The following DOK6 variants were observed in gnomAD, a reference collection of about 807,000 sequenced individuals.
DOK6 encodes the protein downstream of tyrosine kinase 6.
DOK6 carries 22 observed loss-of-function variants against 44.0 expected under a neutral mutation model. The ratio of observed to expected loss-of-function variants is 0.50; its 90% CI spans 0.36 to 0.71. DOK6 has a LOEUF of 0.71. DOK6 is among the 30% of genes least tolerant of loss of function. The pLI is 0.00. For synonymous variants in DOK6, 166 were observed against 145.5 expected (o/e 1.14, Z -1.01); for missense variants, 340 against 416.4 (o/e 0.82, Z 1.60).
At chr18:69,600,066 G>C (rs1055307115) in intron 3 of DOK6, among the ~76,000 whole-genome samples, 2 of 152,152 alleles carry the variant, frequency 1.3e-5, no homozygotes, top group African/African-American at 4.8e-5. Flanking sequence ...GAATCCCTGT[G>C]GTGTGTAATA....
intron 3 of DOK6, among the ~76,000 whole-genome samples, chr18:69,668,932 A>G (rs1384933763): frequency 6.6e-6 from 1 of 152,130 alleles, no homozygotes; most frequent in East Asian, 1.9e-4. Flanking sequence ...TTTTTCTGTC[A>G]TTTTAATAAG....
intron 3 of DOK6, among the ~76,000 whole-genome samples, chr18:69,609,207 T>C (rs10439009): frequency 0.41 from 62,231 of 151,922 alleles, 13,891 homozygotes; most frequent in Non-Finnish European, 0.5. Context: ...ATCAACAGGA[T>C]GAAAAGGCAA....
At chr18:69,752,160 TC>T (rs1479308860) in intron 6 of DOK6, among the ~76,000 whole-genome samples, 1 of 151,276 alleles carries the variant, frequency 6.6e-6, no homozygotes, top group East Asian at 1.9e-4. Flanking sequence ...CACAAGTCTC[TC>T]TAAAAGATAA....
At chr18:69,643,060 A>AT (rs1377957244) in intron 3 of DOK6, among the ~76,000 whole-genome samples, 1 of 152,160 alleles carries the variant, frequency 6.6e-6, no homozygotes, top group African/African-American at 2.4e-5. Flanking sequence ...TCTTTGTATC[A>AT]TTATGGCCCT....
chr18:69,663,291 C>A (rs1407529692), intron 3 of DOK6: 1 of 152,000 alleles, frequency 6.6e-6, no homozygotes, highest in South Asian at 2.1e-4. Context: ...GATTAGAAAT[C>A]AGAGGATGAA....
At chr18:69,714,116 C>T (rs1986830317) in intron 5 of DOK6, among the ~76,000 whole-genome samples, 1 of 152,108 alleles carries the variant, frequency 6.6e-6, no homozygotes, top group South Asian at 2.1e-4. Context: ...CTGATCTTTA[C>T]CAAAAAGAGA....
chr18:69,423,557 T>C (rs1161027848), intron 1 of DOK6, among the ~76,000 whole-genome samples: 1 of 152,206 alleles, frequency 6.6e-6, no homozygotes, highest in Non-Finnish European at 1.5e-5. Flanking sequence ...CATATAATTA[T>C]CCTTGATTGC....
At chr18:69,698,363 C>T (rs1986436895) in intron 4 of DOK6, 41 bp from the exon 5 acceptor site, 1 of 1,553,688 alleles carries the variant, frequency 6.4e-7, no homozygotes, top group Middle Eastern at 1.7e-4. Context: ...ACACTCACAC[C>T]TCTTTTCACT....
chr18:69,817,451 G>T (rs188814287), intron 7 of DOK6, among the ~76,000 whole-genome samples: 1 of 152,130 alleles, frequency 6.6e-6, no homozygotes, highest in Non-Finnish European at 1.5e-5. Flanking sequence ...AAACAACAGA[G>T]ATTTATTTTC....
intron 7 of DOK6, 50 bp downstream of exon 7, chr18:69,757,923 G>A (rs1327137259): frequency 6.8e-7 from 1 of 1,476,100 alleles, no homozygotes; most frequent in African/African-American, 1.4e-5. Context: ...CTTCCTCCAG[G>A]TGGACTGAGT....
At chr18:69,700,221 A>ATATATATATATATATATATATG (rs1199825517) in intron 5 of DOK6, among the ~76,000 whole-genome samples, 1 of 106,202 alleles carries the variant, frequency 9.4e-6, no homozygotes, top group Non-Finnish European at 2.1e-5. Context: ...ATATACATAT[A>ATATATATATATATATATATATG]TATATATATA....
chr18:69,511,839 A>G (rs2144556834), intron 1 of DOK6, among the ~76,000 whole-genome samples: 1 of 152,286 alleles, frequency 6.6e-6, no homozygotes, highest in East Asian at 1.9e-4. Context: ...GGCTCATTTA[A>G]TTTTCATTCC....
chr18:69,539,229 G>A (rs940839429), intron 1 of DOK6, among the ~76,000 whole-genome samples: 12 of 152,056 alleles, frequency 7.9e-5, no homozygotes, highest in Non-Finnish European at 1.2e-4. Context: ...CCTCTGTCAA[G>A]CATTTAATCT....
At chr18:69,615,638 A>G (rs1360531542) in intron 3 of DOK6, among the ~76,000 whole-genome samples, 1 of 152,258 alleles carries the variant, frequency 6.6e-6, no homozygotes, top group African/African-American at 2.4e-5. Context: ...AATACTCTTC[A>G]CAATTTCACA....
chr18:69,609,593 G>A (rs543965208), intron 3 of DOK6, among the ~76,000 whole-genome samples: 1 of 152,254 alleles, frequency 6.6e-6, no homozygotes. Context: ...AATTGATGCA[G>A]CTTTTATGGA....
chr18:69,795,116 G>C (rs1428148254), intron 7 of DOK6, among the ~76,000 whole-genome samples: 1 of 151,990 alleles, frequency 6.6e-6, no homozygotes, highest in Non-Finnish European at 1.5e-5. Context: ...CATGAAACTG[G>C]TCCCTGGTGC....
intron 5 of DOK6, among the ~76,000 whole-genome samples, chr18:69,708,875 A>AT (rs2144713099): frequency 6.6e-6 from 1 of 151,932 alleles, no homozygotes; most frequent in South Asian, 2.1e-4. Context: ...GCAAACACCT[A>AT]TTTTTACCTG....
At chr18:69,723,453 G>A (rs202124696) in intron 5 of DOK6, among the ~76,000 whole-genome samples, 7 of 152,190 alleles carry the variant, frequency 4.6e-5, no homozygotes, top group Non-Finnish European at 1.0e-4. Flanking sequence ...ACTCTCTGAT[G>A]GGGACAATTG....
chr18:69,669,674 C>T (rs921113523), intron 3 of DOK6, among the ~76,000 whole-genome samples: 1 of 152,152 alleles, frequency 6.6e-6, no homozygotes, highest in Non-Finnish European at 1.5e-5. Flanking sequence ...TCCCGCACCC[C>T]CCCGCCGACC....
Sources: gnomAD v4.1 joint callset for allele counts (sites outside exome capture counted in the v4.1 genomes callset) on GRCh38, gnomAD v4.1.1 for gene constraint, MANE v1.5 for transcripts, NCBI Gene and HGNC (gene_info 2026-07-23, HGNC 2026-07-21) for gene names.